CNTNAP2: variants seen among roughly 807,000 people sequenced by gnomAD.
The protein encoded by CNTNAP2 is contactin associated protein 2.
A neutral mutation model predicts 155.2 loss-of-function variants in CNTNAP2; 98 were observed. The observed-to-expected ratio is 0.63, with a 90% confidence interval of 0.54 to 0.75. The LOEUF (loss-of-function observed/expected upper bound fraction) is 0.75, where lower values mean the gene tolerates loss of function less well. Among genes scored for constraint, CNTNAP2 ranks in the 30% least tolerant of loss-of-function variants. CNTNAP2 has a pLI of 0.00. For synonymous variants in CNTNAP2, 651 were observed against 631.2 expected (o/e 1.03, Z -0.47); for missense variants, 1,727 against 1,688.1 (o/e 1.02, Z -0.40).
chr7:147,143,980 A>G lies in CNTNAP2; in HGVS notation c.1348+11471A>G, dbSNP rs371441096. On this transcript the variant is annotated intron_variant, in intron 8 of 23. Transcript: ENST00000361727. ...GCATGATTAAAACTAATTTAGTTTT[A>G]TTCTTTTCTTCAGGCTTGGGAATGC... is the stretch of plus-strand genomic sequence containing the variant. Among the ~76,000 whole-genome samples the G allele has an allele frequency of 3.8e-4, 58 of 152,272 alleles. 1 individual carries two copies. Among genetic ancestry groups the G allele is most frequent in the Non-Finnish European group, 7.6e-4 (52 of 68,008 alleles).
At chr7:148,208,037 C>A (rs1795481510) in intron 18 of CNTNAP2, among the ~76,000 whole-genome samples, 1 of 150,212 alleles carries the variant, frequency 6.7e-6, no homozygotes, top group Non-Finnish European at 1.5e-5. Context: ...TGCAGTGAGC[C>A]AAGATTACGC....
At chr7:148,332,543 C>T (rs1290113303) in intron 21 of CNTNAP2, among the ~76,000 whole-genome samples, 1 of 152,142 alleles carries the variant, frequency 6.6e-6, no homozygotes, top group South Asian at 2.1e-4. Flanking sequence ...GAACTCCCAC[C>T]ATGTTTATGC....
chr7:148,331,384 G>GGAA (rs1798006874), intron 21 of CNTNAP2, among the ~76,000 whole-genome samples: 7 of 84,474 alleles, frequency 8.3e-5, no homozygotes, highest in Non-Finnish European at 1.2e-4. Flanking sequence ...AGTGGATGGA[G>GGAA]TGGACGGATG....
rs945291772 is a variant in CNTNAP2, at chr7:146,303,052, C to G, written c.97+186079C>G. On this transcript the variant is annotated intron_variant, in intron 1 of 23. Transcript: ENST00000361727. ...TATTGAGATTCAGAGATGGGAGAAACTAGGTACACCTTTGTGTGCATGTGT... is the reference window on the plus strand; with the variant it reads ...TATTGAGATTCAGAGATGGGAGAAAGTAGGTACACCTTTGTGTGCATGTGT... Among the ~76,000 whole-genome samples the G allele has an allele frequency of 2.0e-5, 3 of 149,018 alleles. No homozygotes were observed. In the South Asian group the frequency reaches 6.3e-4, roughly 31 times the overall value.
chr7:147,375,392 G>A (rs548701167), intron 9 of CNTNAP2, among the ~76,000 whole-genome samples: 39 of 152,026 alleles, frequency 2.6e-4, no homozygotes, highest in Admixed American at 1.0e-3. Flanking sequence ...AGTAACATTG[G>A]TAATTATGCC....
intron 1 of CNTNAP2, among the ~76,000 whole-genome samples, chr7:146,686,880 A>G (rs1213718439): frequency 6.6e-6 from 1 of 152,188 alleles, no homozygotes; most frequent in African/African-American, 2.4e-5. Context: ...ATAGGGATGC[A>G]TGCTGGAAAT....
intron 1 of CNTNAP2, among the ~76,000 whole-genome samples, chr7:146,367,195 T>C (rs1795168049): frequency 6.6e-6 from 1 of 152,162 alleles, no homozygotes; most frequent in Non-Finnish European, 1.5e-5. Context: ...AAGTACTGTA[T>C]TGACACACAT....
intron 3 of CNTNAP2, among the ~76,000 whole-genome samples, chr7:147,019,992 T>C (rs991275710): frequency 3.9e-5 from 5 of 129,360 alleles, no homozygotes; most frequent in Non-Finnish European, 6.9e-5. Flanking sequence ...GTAGTATAGA[T>C]ATAGTATGGT....
At chr7:146,834,560 G>C (rs1403798937) in intron 2 of CNTNAP2, among the ~76,000 whole-genome samples, 1 of 152,086 alleles carries the variant, frequency 6.6e-6, no homozygotes, top group Admixed American at 6.6e-5. Context: ...GAGAGAAGGG[G>C]AATGAAGAAA....
chr7:146,749,855 G>T (rs1206360466), intron 1 of CNTNAP2, among the ~76,000 whole-genome samples: 1 of 152,154 alleles, frequency 6.6e-6, no homozygotes, highest in Admixed American at 6.6e-5. Flanking sequence ...GAGCCTTGGG[G>T]TTAGAACTTT....
chr7:147,166,729 G>A (rs1256254970), intron 8 of CNTNAP2, among the ~76,000 whole-genome samples: 1 of 152,112 alleles, frequency 6.6e-6, no homozygotes, highest in Admixed American at 6.5e-5. Flanking sequence ...CAGTCAAAGG[G>A]GGGTTTCTCT....
intron 1 of CNTNAP2, among the ~76,000 whole-genome samples, chr7:146,553,570 A>G (rs750467219): frequency 6.6e-6 from 1 of 152,164 alleles, no homozygotes; most frequent in African/African-American, 2.4e-5. Flanking sequence ...TTTAGATAGG[A>G]AAGGCCAATT....
chr7:148,364,132 G>A (rs780293734), intron 21 of CNTNAP2, among the ~76,000 whole-genome samples: 4 of 152,146 alleles, frequency 2.6e-5, no homozygotes, highest in Admixed American at 1.3e-4. Flanking sequence ...CCTCCCCGAC[G>A]AGCGCCACCC....
chr7:148,295,349 G>A (rs796461039), intron 21 of CNTNAP2, among the ~76,000 whole-genome samples: 5 of 152,012 alleles, frequency 3.3e-5, no homozygotes, highest in African/African-American at 1.2e-4. Context: ...CTTGAACTAA[G>A]GTTTTCTTCT....
intron 13 of CNTNAP2, among the ~76,000 whole-genome samples, chr7:147,664,620 C>T (rs1024850546): frequency 2.0e-5 from 3 of 152,184 alleles, no homozygotes; most frequent in Admixed American, 6.5e-5. Context: ...TCTTCTCTAT[C>T]GGTCCAGTAC....
chr7:147,184,837 C>G (rs1355013006), intron 8 of CNTNAP2, among the ~76,000 whole-genome samples: 1 of 152,166 alleles, frequency 6.6e-6, no homozygotes, highest in Admixed American at 6.5e-5. Context: ...AAATTCAACA[C>G]TTCTAAATGC....
At chr7:146,759,816 A>C (rs1427077065) in intron 1 of CNTNAP2, among the ~76,000 whole-genome samples, 1 of 152,034 alleles carries the variant, frequency 6.6e-6, no homozygotes, top group East Asian at 1.9e-4. Flanking sequence ...CCCCTTATGG[A>C]AAAAGGTTCG....
intron 15 of CNTNAP2, among the ~76,000 whole-genome samples, chr7:148,112,104 G>T (rs754902856): frequency 4.6e-4 from 70 of 152,296 alleles, no homozygotes; most frequent in Non-Finnish European, 8.2e-4. Flanking sequence ...GGACAAAAAC[G>T]TGACTGCAGA....
chr7:147,141,279 C>T (rs1252557318), intron 8 of CNTNAP2, among the ~76,000 whole-genome samples: 3 of 152,036 alleles, frequency 2.0e-5, no homozygotes, highest in African/African-American at 7.2e-5. Flanking sequence ...ATCTCTTTAC[C>T]CTAATTCAAA....
Sources: gnomAD v4.1 joint callset for allele counts (sites outside exome capture counted in the v4.1 genomes callset) on GRCh38, gnomAD v4.1.1 for gene constraint, MANE v1.5 for transcripts, NCBI Gene and HGNC (gene_info 2026-07-23, HGNC 2026-07-21) for gene names.